Variants in MCUB observed in about 807,000 individuals in gnomAD.
MCUB encodes mitochondrial calcium uniporter dominant negative subunit beta, also known as calcium uniporter regulatory subunit MCUb, mitochondrial.
Under a neutral mutation model 41.4 loss-of-function variants are expected in MCUB, and 46 were observed. The ratio of observed to expected loss-of-function variants is 1.11; its 90% CI spans 0.88 to 1.42. MCUB has a LOEUF of 1.42. MCUB is among the 40% of genes most tolerant of loss of function. The probability of loss-of-function intolerance (pLI) is 0.00; values close to 1 mark genes in which losing one functional copy is unlikely to be tolerated. For missense variants in MCUB, 403 were observed against 404.9 expected, an observed-to-expected ratio of 1.00 and a Z score of 0.04; for synonymous variants, 148 against 148.2, an observed-to-expected ratio of 1.00 and a Z score of 0.01.
In MCUB at chr4:109,594,898, G is replaced by A. The variant is rs369514852; in HGVS notation, c.99+34462G>A. ...GCTCAGCCAGAGAGAAGACTCACCAGGGAAGAACAGGCAAGCCTTGGAAGC... is the reference window on the plus strand; with the variant it reads ...GCTCAGCCAGAGAGAAGACTCACCAAGGAAGAACAGGCAAGCCTTGGAAGC... On this transcript the variant is annotated intron_variant, in intron 1 of 7. Transcript: ENST00000394650. Among the ~76,000 whole-genome samples, 21 of 151,964 alleles carry A rather than the reference G, an allele frequency of 1.4e-4. No individual in the cohort carries two copies. The South Asian group carries it at 4.4e-3, about 32-fold the overall frequency.
At chr4:109,570,635 T>C (rs1425767881) in intron 1 of MCUB, among the ~76,000 whole-genome samples, 1 of 152,258 alleles carries the variant, frequency 6.6e-6, no homozygotes. Flanking sequence ...CCATAGGCTG[T>C]AGTTTTGGCC....
At chr4:109,632,793 T>G (rs1465863218) in intron 1 of MCUB, among the ~76,000 whole-genome samples, 2 of 152,124 alleles carry the variant, frequency 1.3e-5, no homozygotes, top group African/African-American at 4.8e-5. Flanking sequence ...TTTTGTATTT[T>G]TAGTAGAGAC....
At chr4:109,567,282 T>G (rs1726803985) in intron 1 of MCUB, among the ~76,000 whole-genome samples, 1 of 152,030 alleles carries the variant, frequency 6.6e-6, no homozygotes, top group Admixed American at 6.6e-5. Context: ...GGCGTAACAG[T>G]AAATAATGAA....
chr4:109,563,205 G>A (rs1231325538), intron 1 of MCUB, among the ~76,000 whole-genome samples: 3 of 152,188 alleles, frequency 2.0e-5, no homozygotes, highest in Non-Finnish European at 2.9e-5. Context: ...TACTTAGACT[G>A]AGAAACTCCC....
At chr4:109,603,187 A>G (rs1270410119) in intron 1 of MCUB, among the ~76,000 whole-genome samples, 1 of 151,758 alleles carries the variant, frequency 6.6e-6, no homozygotes, top group African/African-American at 2.4e-5. Context: ...GCTCACTGCA[A>G]CCTCCCTGCC....
intron 1 of MCUB, among the ~76,000 whole-genome samples, chr4:109,586,735 T>G (rs187657210): frequency 0.012 from 1,857 of 152,322 alleles, 42 homozygotes; most frequent in African/African-American, 0.042. Flanking sequence ...CTGTTGGAGT[T>G]TGCTGGAGGT....
intron 1 of MCUB, among the ~76,000 whole-genome samples, chr4:109,642,524 TTA>T (rs1728742462): frequency 1.3e-5 from 2 of 152,204 alleles, no homozygotes. Context: ...CTAAGAAATC[TTA>T]AACTGCTATC....
intron 1 of MCUB, among the ~76,000 whole-genome samples, chr4:109,650,972 A>G (rs1278831293): frequency 6.6e-6 from 1 of 152,196 alleles, no homozygotes; most frequent in Non-Finnish European, 1.5e-5. Context: ...TGTCCCATGT[A>G]TTCTCATTGC....
intron 1 of MCUB, among the ~76,000 whole-genome samples, chr4:109,637,390 T>C (rs533854172): frequency 6.6e-6 from 1 of 152,210 alleles, no homozygotes; most frequent in African/African-American, 2.4e-5. Flanking sequence ...TAAATGACTT[T>C]ATACAAGTAT....
intron 1 of MCUB, among the ~76,000 whole-genome samples, chr4:109,604,172 G>A (rs369267200): frequency 0.041 from 6,181 of 151,626 alleles, 377 homozygotes; most frequent in African/African-American, 0.14. Flanking sequence ...TTGTTAAACA[G>A]ATGCTTGAAG....
intron 1 of MCUB, among the ~76,000 whole-genome samples, chr4:109,594,321 A>G (rs1727503881): frequency 6.6e-6 from 1 of 152,194 alleles, no homozygotes; most frequent in African/African-American, 2.4e-5. Context: ...TCCAGTTTGC[A>G]TATGTTATTC....
intron 1 of MCUB, among the ~76,000 whole-genome samples, chr4:109,636,372 A>T (rs1728589249): frequency 6.6e-6 from 1 of 152,224 alleles, no homozygotes; most frequent in Admixed American, 6.5e-5. Flanking sequence ...CAACGTGACT[A>T]GATGAGATTG....
At chr4:109,649,611 C>T (rs1561240537) in intron 1 of MCUB, among the ~76,000 whole-genome samples, 1 of 151,992 alleles carries the variant, frequency 6.6e-6, no homozygotes, top group South Asian at 2.1e-4. Flanking sequence ...AATTTAATTG[C>T]TTTCCTTTGT....
At chr4:109,582,383 G>A (rs1263702762) in intron 1 of MCUB, among the ~76,000 whole-genome samples, 1 of 109,158 alleles carries the variant, frequency 9.2e-6, no homozygotes, top group Non-Finnish European at 1.8e-5. Context: ...GTTGTGGGGT[G>A]GGGGGAGGGG....
rs909205053 is a variant in MCUB, at chr4:109,646,786, T to C, written c.100-12225T>C. Among the ~76,000 whole-genome samples the C allele has an allele frequency of 5.3e-5, 8 of 152,346 alleles. No homozygotes were observed. In the East Asian group the frequency reaches 1.2e-3, roughly 22 times the overall value. ...CTCAGGGACATAGCACATGGTGTTC[T>C]GTCTGGAATGTTCTTCTCTCCCTCT... On this transcript the variant is annotated intron_variant, in intron 1 of 7. Transcript: ENST00000394650.
At chr4:109,678,868 C>T (rs116436004) in intron 4 of MCUB, among the ~76,000 whole-genome samples, 36,888 of 140,484 alleles carry the variant, frequency 0.26, 5,378 homozygotes, top group East Asian at 0.44. Context: ...ATGGGGCGGC[C>T]GGGCAGAGAC....
rs1727810484 is a variant in MCUB, at chr4:109,603,935, TGAATA to T, written c.99+43503_99+43507del. ...GCCATGATGACGATGGCGGTTTTGT[TGAATA>T]GAAAAGGGGGAAATGTGGGGAAAAG... On this transcript the variant is annotated intron_variant, in intron 1 of 7. Transcript: ENST00000394650. 3.3e-5 allele frequency among the ~76,000 whole-genome samples: 5 copies of T among 152,242 alleles called. No homozygotes were observed. The South Asian group carries it at 1.0e-3, about 32-fold the overall frequency.
rs77063290 is a variant in MCUB, at chr4:109,601,109, A to T, written c.99+40673A>T. Among the ~76,000 whole-genome samples, 86 of 34,068 alleles carry T rather than the reference A, an allele frequency of 2.5e-3. 1 individual carries two copies. Among genetic ancestry groups the T allele is most frequent in the South Asian group, 5.8e-3 (3 of 514 alleles). 22.3% of individuals were successfully genotyped at this position (34,068 alleles called of 152,430 possible). On this transcript the variant is annotated intron_variant, in intron 1 of 7. Transcript: ENST00000394650. ...CACCCGGCCTATTGTATCTTTTTTT[A>T]AAAAAAAGTATTCTCTCAATTTTTG...
chr4:109,646,010 C>T (rs570696039), intron 1 of MCUB, among the ~76,000 whole-genome samples: 2 of 152,114 alleles, frequency 1.3e-5, no homozygotes, highest in Non-Finnish European at 2.9e-5. Flanking sequence ...GCAAACCCTC[C>T]AGTAACCACA....
Sources: allele counts gnomAD v4.1 joint callset (sites outside exome capture counted in the v4.1 genomes callset), GRCh38; gene constraint gnomAD v4.1.1; transcripts MANE v1.5; gene names NCBI Gene and HGNC (gene_info 2026-07-23, HGNC 2026-07-21).